Variants in DLG2 observed in about 807,000 individuals in gnomAD.
The protein encoded by DLG2 is disks large homolog 2.
DLG2 carries 45 observed loss-of-function variants against 132.5 expected under a neutral mutation model. The ratio of observed to expected loss-of-function variants is 0.34; its 90% CI spans 0.27 to 0.44. The LOEUF (loss-of-function observed/expected upper bound fraction) is 0.44. Among genes scored for constraint, DLG2 ranks in the 20% least tolerant of loss-of-function variants. DLG2 has a pLI of 1.00. For missense variants in DLG2, 1,045 were observed against 1,196.9 expected, an observed-to-expected ratio of 0.87 and a Z score of 1.87; for synonymous variants, 424 against 419.6, an observed-to-expected ratio of 1.01 and a Z score of -0.13.
intron 10 of DLG2, among the ~76,000 whole-genome samples, chr11:84,067,894 C>T (rs114566371): frequency 1.3e-5 from 2 of 152,266 alleles, no homozygotes; most frequent in Non-Finnish European, 1.5e-5. Context: ...CTGATATGGG[C>T]CAATGTAGTA....
intron 6 of DLG2, among the ~76,000 whole-genome samples, chr11:84,940,558 T>G (rs1361786745): frequency 6.6e-6 from 1 of 152,212 alleles, no homozygotes; most frequent in Non-Finnish European, 1.5e-5. Flanking sequence ...TTTTGCCCAT[T>G]TTTCAATTGA....
chr11:85,173,880 G>A (rs115523205), intron 4 of DLG2, among the ~76,000 whole-genome samples: 3,161 of 152,098 alleles, frequency 0.021, 124 homozygotes, highest in African/African-American at 0.072. Context: ...AAAGAAGGGC[G>A]TTACACAAGG....
Position 84,546,991 on chromosome 11 carries a change from G to A in DLG2, c.358-12260C>T, listed in dbSNP as rs574010272. 178 of 153,912 alleles carry A rather than the reference G, an allele frequency of 1.2e-3. 1 individual carries two copies. The South Asian group carries it at 0.033, about 29-fold the overall frequency. 9.5% of individuals were successfully genotyped at this position (153,912 alleles called of 1,614,324 possible). ...CTAAAAGCGCAGATTCTGGAGAGAC[G>A]GCCTGCATCAATTCCTACTTTGATA... On this transcript the variant is annotated intron_variant, in intron 6 of 27. Coordinates refer to ENST00000376104, the MANE Select transcript of DLG2 (RefSeq NM_001142699.3).
chr11:83,805,819 A>T (rs1156705573), intron 17 of DLG2, among the ~76,000 whole-genome samples: 1 of 152,126 alleles, frequency 6.6e-6, no homozygotes, highest in Non-Finnish European at 1.5e-5. Flanking sequence ...TACTTCTCTG[A>T]TATGAGGGAA....
intron 7 of DLG2, among the ~76,000 whole-genome samples, chr11:84,408,025 T>A (rs1165381786): frequency 3.9e-5 from 6 of 152,190 alleles, no homozygotes; most frequent in Non-Finnish European, 2.9e-5. Context: ...GACCTAGATG[T>A]ATGTGAAGAA....
At chr11:84,604,828 T>G (rs942182473) in intron 6 of DLG2, among the ~76,000 whole-genome samples, 2 of 151,956 alleles carry the variant, frequency 1.3e-5, no homozygotes, top group African/African-American at 4.8e-5. Context: ...CTAAATAGTT[T>G]TTCAAAATAT....
At chr11:83,800,923 T>A (rs956331147) in intron 17 of DLG2, among the ~76,000 whole-genome samples, 1 of 152,198 alleles carries the variant, frequency 6.6e-6, no homozygotes, top group Non-Finnish European at 1.5e-5. Context: ...TACTAGTATC[T>A]CCAAGCTCTG....
At chr11:85,041,072 C>A (rs1323983581) in intron 6 of DLG2, among the ~76,000 whole-genome samples, 2 of 151,782 alleles carry the variant, frequency 1.3e-5, no homozygotes, top group African/African-American at 4.8e-5. Context: ...TCCAATTATG[C>A]AAGAAATTCT....
At chr11:83,474,940 A>G (rs1431994078) in intron 22 of DLG2, among the ~76,000 whole-genome samples, 2 of 152,174 alleles carry the variant, frequency 1.3e-5, no homozygotes, top group Non-Finnish European at 2.9e-5. Flanking sequence ...CAACTAGGGC[A>G]AAGCATAGCT....
chr11:84,668,119 G>A (rs975810050), intron 6 of DLG2, among the ~76,000 whole-genome samples: 6 of 152,110 alleles, frequency 3.9e-5, no homozygotes, highest in East Asian at 3.9e-4. Context: ...CGCCCATTTC[G>A]AATGAAGTGC....
At chr11:83,906,232 GTCTCTCTCTCTCTCTC>G (rs144862801) in intron 15 of DLG2, among the ~76,000 whole-genome samples, 2 of 71,676 alleles carry the variant, frequency 2.8e-5, no homozygotes, top group African/African-American at 9.4e-5. Context: ...TATAGTAGAT[GTCTCTCTCTCTCTCTC>G]TCTCTCTCTC....
chr11:83,592,502 T>C (rs894432518), intron 19 of DLG2, among the ~76,000 whole-genome samples: 1 of 151,924 alleles, frequency 6.6e-6, no homozygotes, highest in African/African-American at 2.4e-5. Context: ...TCAAGATGGA[T>C]TAAAGACTTA....
chr11:83,876,881 T>C (rs956358630), intron 15 of DLG2, among the ~76,000 whole-genome samples: 1 of 152,144 alleles, frequency 6.6e-6, no homozygotes, highest in Non-Finnish European at 1.5e-5. Flanking sequence ...CTATAATTAT[T>C]ATTTTGGAGT....
At chr11:85,274,108 G>C (rs575161346) in intron 4 of DLG2, among the ~76,000 whole-genome samples, 1 of 99,062 alleles carries the variant, frequency 1.0e-5, no homozygotes, top group South Asian at 3.3e-4. Context: ...CTGTCGTGGG[G>C]TGGGTGGAGA....
intron 3 of DLG2, among the ~76,000 whole-genome samples, chr11:85,458,402 A>T (rs529035233): frequency 6.6e-6 from 1 of 152,174 alleles, no homozygotes; most frequent in African/African-American, 2.4e-5. Context: ...AATGATCTTC[A>T]TTCCTATCCA....
intron 4 of DLG2, among the ~76,000 whole-genome samples, chr11:85,162,720 A>G (rs866455701): frequency 6.6e-6 from 1 of 152,184 alleles, no homozygotes. Context: ...CAATAGTTGT[A>G]TTATGTTAGA....
At chr11:84,851,089 T>G (rs1240847974) in intron 6 of DLG2, among the ~76,000 whole-genome samples, 1 of 152,114 alleles carries the variant, frequency 6.6e-6, no homozygotes, top group Non-Finnish European at 1.5e-5. Context: ...GAACATATCA[T>G]GTAATCAGCA....
intron 6 of DLG2, among the ~76,000 whole-genome samples, chr11:84,696,881 T>C (rs768878133): frequency 2.0e-5 from 3 of 151,404 alleles, no homozygotes; most frequent in South Asian, 2.1e-4. Context: ...CCAAGTGGCA[T>C]AGGTATTATT....
At chr11:85,485,087 C>T (rs1427450077) in intron 3 of DLG2, among the ~76,000 whole-genome samples, 2 of 151,746 alleles carry the variant, frequency 1.3e-5, no homozygotes, top group African/African-American at 4.8e-5. Context: ...TCATTCTCAG[C>T]AAACTATCGC....
Sources: allele counts gnomAD v4.1 joint callset (sites outside exome capture counted in the v4.1 genomes callset), GRCh38; gene constraint gnomAD v4.1.1; transcripts MANE v1.5; gene names NCBI Gene and HGNC (gene_info 2026-07-23, HGNC 2026-07-21).